SASH1: variants seen among roughly 807,000 people sequenced by gnomAD.
The protein encoded by SASH1 is SAM and SH3 domain containing 1, also known as SAM and SH3 domain-containing protein 1.
A neutral mutation model predicts 125.2 loss-of-function variants in SASH1; 44 were observed. The ratio of observed to expected loss-of-function variants is 0.35; its 90% CI spans 0.28 to 0.45. The LOEUF is 0.45. Among genes scored for constraint, SASH1 ranks in the 20% least tolerant of loss-of-function variants. The pLI is 1.00. For missense variants in SASH1, 1,426 were observed against 1,614.5 expected (o/e 0.88, Z 2.00); for synonymous variants, 639 against 649.1 (o/e 0.98, Z 0.24).
the SASH1 span, among the ~76,000 whole-genome samples, chr6:148,195,271 C>G: frequency 1.3e-5 from 2 of 152,170 alleles, no homozygotes; most frequent in Non-Finnish European, 2.9e-5. Flanking sequence ...TGCATGTCCT[C>G]CAGGCAGAGA....
intron 4 of SASH1, among the ~76,000 whole-genome samples, chr6:148,447,373 C>T (rs1347804244): frequency 1.3e-5 from 2 of 152,206 alleles, no homozygotes; most frequent in Admixed American, 1.3e-4. Context: ...TCTGCGGACA[C>T]TTACTCTCCT....
chr6:148,457,842 C>T (rs2115065851), intron 4 of SASH1, among the ~76,000 whole-genome samples: 1 of 152,204 alleles, frequency 6.6e-6, no homozygotes, highest in South Asian at 2.1e-4. Context: ...CACATGATGA[C>T]AAGAAGGAGA....
chr6:148,406,531 A>G (rs1199555371), intron 2 of SASH1, among the ~76,000 whole-genome samples: 1 of 152,202 alleles, frequency 6.6e-6, no homozygotes, highest in Non-Finnish European at 1.5e-5. Flanking sequence ...ACCTTCTACA[A>G]CAGCTTGTGG....
upstream of SASH1, among the ~76,000 whole-genome samples, chr6:148,341,452 C>T (rs1036902461): frequency 5.3e-5 from 8 of 151,294 alleles, no homozygotes; most frequent in Admixed American, 6.6e-5. Context: ...GGATTACAGG[C>T]GCCAGCCCCG....
chr6:148,544,951 G>A lies in SASH1; in HGVS notation c.3348+133G>A, dbSNP rs41288419. 3,044 of 766,098 alleles carry A rather than the reference G, an allele frequency of 4.0e-3. 16 individuals carry two copies. The highest frequency in any genetic ancestry group is 8.1e-3 in the Middle Eastern group (21 of 2,600). The allele number at this position is 766,098 out of a possible 1,614,324, so 47.5% of individuals were successfully genotyped here. On this transcript the variant is annotated intron_variant, in intron 18 of 19. Transcript: ENST00000367467. The surrounding 1 kb of genome is among the most constrained non-coding windows in gnomAD (Gnocchi z 6.4). ...GGACAGGAGACACCTGAATCCACGT[G>A]TCCACACCTTACTTGACATGCATGT...
intron 2 of SASH1, among the ~76,000 whole-genome samples, chr6:148,401,960 C>A (rs1784186641): frequency 6.6e-6 from 1 of 152,042 alleles, no homozygotes; most frequent in South Asian, 2.1e-4. Context: ...TTCCTTTGAT[C>A]TCTTTCATCT....
chr6:148,428,628 T>C (rs867891357), intron 2 of SASH1, among the ~76,000 whole-genome samples: 1 of 4,874 alleles, frequency 2.1e-4, no homozygotes, highest in Non-Finnish European at 5.6e-4. Context: ...AAACTTTATC[T>C]CAAAAAAAAA....
At chr6:148,382,873 A>T (rs900057870) in intron 1 of SASH1, among the ~76,000 whole-genome samples, 4 of 152,214 alleles carry the variant, frequency 2.6e-5, no homozygotes, top group African/African-American at 9.6e-5. Context: ...CACCTGCCCT[A>T]TGGGTGTGCC....
the SASH1 span, among the ~76,000 whole-genome samples, chr6:148,194,868 T>C: frequency 2.0e-5 from 3 of 152,248 alleles, no homozygotes; most frequent in Non-Finnish European, 4.4e-5. Flanking sequence ...ATCGCGCCAC[T>C]GCACTCCAGC....
At chr6:148,457,302 C>T (rs1051135010) in intron 4 of SASH1, among the ~76,000 whole-genome samples, 12 of 151,862 alleles carry the variant, frequency 7.9e-5, no homozygotes, top group African/African-American at 2.9e-4. Context: ...CTTTCAGTAC[C>T]GGTAATTAGA....
chr6:148,209,471 T>C, the SASH1 span, among the ~76,000 whole-genome samples: 8 of 152,182 alleles, frequency 5.3e-5, no homozygotes, highest in Admixed American at 2.0e-4. Flanking sequence ...TTTTTCTTCT[T>C]GTGGGAAGAA....
At chr6:148,298,179 G>A (rs1489534864) in intron 1 of SASH1, among the ~76,000 whole-genome samples, 1 of 150,550 alleles carries the variant, frequency 6.6e-6, no homozygotes, top group African/African-American at 2.4e-5. Flanking sequence ...GCTAATTTTT[G>A]TACTTTTTTT....
chr6:148,526,506 C>T (rs1781168621), intron 11 of SASH1, among the ~76,000 whole-genome samples: 1 of 152,134 alleles, frequency 6.6e-6, no homozygotes, highest in Non-Finnish European at 1.5e-5. Context: ...TTGAAAATTT[C>T]CTGGAAGAGA....
At chr6:148,471,353 T>C (rs926075223) in intron 5 of SASH1, 64 bp from the exon 6 acceptor site, 6 of 1,030,142 alleles carry the variant, frequency 5.8e-6, no homozygotes, top group South Asian at 4.7e-5. Context: ...ACTTTTGTTA[T>C]TAATGATGAA....
chr6:148,281,380 A>C (rs558476824), intron 1 of SASH1, among the ~76,000 whole-genome samples: 1 of 152,230 alleles, frequency 6.6e-6, no homozygotes, highest in South Asian at 2.1e-4. Context: ...ACATAGAAGG[A>C]GTCAAAGCAT....
intron 6 of SASH1, among the ~76,000 whole-genome samples, chr6:148,471,801 C>T (rs898237636): frequency 1.3e-5 from 2 of 152,146 alleles, no homozygotes; most frequent in African/African-American, 4.8e-5. Flanking sequence ...AAGATCTTTA[C>T]TCTTCTCTCG....
At chr6:148,209,649 G>A in the SASH1 span, among the ~76,000 whole-genome samples, 8 of 152,164 alleles carry the variant, frequency 5.3e-5, no homozygotes, top group Non-Finnish European at 1.0e-4. Context: ...TCAAGCCTCC[G>A]GAATAACAGA....
At chr6:148,307,542 G>T (rs1008016569) in intron 1 of SASH1, among the ~76,000 whole-genome samples, 15 of 152,174 alleles carry the variant, frequency 9.9e-5, no homozygotes, top group Middle Eastern at 3.4e-3. Context: ...TATGAAACAG[G>T]TTCCGTGGCT....
At chr6:148,273,480 G>A (rs1475066704) in intron 1 of SASH1, among the ~76,000 whole-genome samples, 1 of 151,638 alleles carries the variant, frequency 6.6e-6, no homozygotes, top group Admixed American at 6.6e-5. Flanking sequence ...TTTTCATGGA[G>A]ACAGGGTTTC....
Sources: gnomAD v4.1 joint callset for allele counts (sites outside exome capture counted in the v4.1 genomes callset) on GRCh38, gnomAD v4.1.1 for gene constraint, Gnocchi (gnomAD v3.1) non-coding constraint, MANE v1.5 for transcripts, NCBI Gene and HGNC (gene_info 2026-07-23, HGNC 2026-07-21) for gene names.